Variants in SPIDR observed in about 807,000 individuals in gnomAD.
SPIDR encodes the protein scaffold protein involved in DNA repair, also known as DNA repair-scaffolding protein.
SPIDR carries 93 observed loss-of-function variants against 104.6 expected under a neutral mutation model. The ratio of observed to expected loss-of-function variants is 0.89; its 90% confidence interval spans 0.75 to 1.06. SPIDR has a LOEUF of 1.06. Among genes scored for constraint, SPIDR ranks in the 50% least tolerant of loss-of-function variants. The pLI is 0.00. For synonymous variants in SPIDR, 431 were observed against 416.9 expected (o/e 1.03, Z -0.41); for missense variants, 1,154 against 1,111.2 (o/e 1.04, Z -0.55).
intron 8 of SPIDR, among the ~76,000 whole-genome samples, chr8:47,498,863 A>C (rs949885533): frequency 1.3e-5 from 2 of 152,194 alleles, no homozygotes; most frequent in Non-Finnish European, 2.9e-5. Flanking sequence ...TAGCTGGTTC[A>C]TTTTGATCCC....
intron 8 of SPIDR, among the ~76,000 whole-genome samples, chr8:47,575,914 C>A (rs1406557737): frequency 1.3e-5 from 2 of 149,930 alleles, no homozygotes; most frequent in South Asian, 4.2e-4. Context: ...GAGCCGAGAT[C>A]GCGCCACTGC....
At chr8:47,675,194 G>T (rs555936980) in intron 11 of SPIDR, among the ~76,000 whole-genome samples, 1 of 152,084 alleles carries the variant, frequency 6.6e-6, no homozygotes, top group African/African-American at 2.4e-5. Flanking sequence ...GCGCCACTAC[G>T]CCCAGCTAAT....
In SPIDR at chr8:47,599,193, C is replaced by G. The variant is rs781216387; in HGVS notation, c.1541C>G (p.Thr514Ser). 2 of 1,613,288 alleles carry G rather than the reference C, an allele frequency of 1.2e-6. No homozygotes were observed. The highest frequency in any genetic ancestry group is 1.7e-6 in the Non-Finnish European group (2 of 1,179,710). ...ASSGHTDPAG[T>S]RACLLVQDAC... is the part of the protein sequence containing the mutation. ...TCAGGACACACAGACCCAGCTGGAA[C>G]TCGGTGAGTGCCAAGATGCTGGTGT... Residue 514 changes from threonine (T) to serine (S), a missense_variant, in exon 10 of 20, where the codon ACT becomes AGT. Transcript: ENST00000297423.
At chr8:47,704,516 G>A (rs1030913034) in intron 14 of SPIDR, among the ~76,000 whole-genome samples, 35 of 152,092 alleles carry the variant, frequency 2.3e-4, no homozygotes, top group Admixed American at 1.3e-4. Context: ...TGCCCTGGGG[G>A]TGGGGCAGGG....
At chr8:47,699,673 A>G (rs1029170561) in intron 11 of SPIDR, among the ~76,000 whole-genome samples, 2 of 151,268 alleles carry the variant, frequency 1.3e-5, no homozygotes, top group African/African-American at 4.9e-5. Flanking sequence ...TCCTGCCTCA[A>G]CCTCCCGAGT....
At chr8:47,367,336 A>G (rs1187898422) in intron 5 of SPIDR, among the ~76,000 whole-genome samples, 1 of 152,186 alleles carries the variant, frequency 6.6e-6, no homozygotes, top group African/African-American at 2.4e-5. Context: ...TGAGCTTGGA[A>G]TTGGATTTTT....
chr8:47,640,271 AG>A (rs1460321245), intron 10 of SPIDR, among the ~76,000 whole-genome samples: 1 of 152,208 alleles, frequency 6.6e-6, no homozygotes, highest in African/African-American at 2.4e-5. Flanking sequence ...TCTGATTGAC[AG>A]GTCCCAAGTC....
chr8:47,378,484 T>C (rs577745669), intron 5 of SPIDR, among the ~76,000 whole-genome samples: 1 of 152,256 alleles, frequency 6.6e-6, no homozygotes, highest in Non-Finnish European at 1.5e-5. Flanking sequence ...AAGTTAAATG[T>C]TATCTACATA....
chr8:47,406,378 A>T (rs2062758099), intron 6 of SPIDR, among the ~76,000 whole-genome samples: 1 of 152,168 alleles, frequency 6.6e-6, no homozygotes, highest in South Asian at 2.1e-4. Context: ...AAAGTGGAAT[A>T]ATAATAGTAC....
chr8:47,408,103 T>C (rs2062998751), intron 7 of SPIDR, 142 bp downstream of exon 7: 3 of 454,372 alleles, frequency 6.6e-6, no homozygotes, highest in Middle Eastern at 6.1e-4. Context: ...TTTTAACATA[T>C]AAAAACTATA....
chr8:47,515,912 C>T (rs536049896), intron 8 of SPIDR, among the ~76,000 whole-genome samples: 3 of 152,312 alleles, frequency 2.0e-5, no homozygotes, highest in African/African-American at 4.8e-5. Context: ...CGGGTTCAAG[C>T]GATTCTCCTG....
chr8:47,531,239 A>C (rs1008332247), intron 8 of SPIDR, among the ~76,000 whole-genome samples: 2 of 152,198 alleles, frequency 1.3e-5, no homozygotes, highest in Non-Finnish European at 2.9e-5. Flanking sequence ...GAGATACACA[A>C]ACATTAGCCT....
At chr8:47,590,860 C>G (rs2154419076) in intron 8 of SPIDR, among the ~76,000 whole-genome samples, 1 of 152,224 alleles carries the variant, frequency 6.6e-6, no homozygotes, top group South Asian at 2.1e-4. Flanking sequence ...ATTGCTATGT[C>G]TTCATGGTGG....
At chr8:47,327,092 G>T (rs1300283243) in intron 5 of SPIDR, among the ~76,000 whole-genome samples, 1 of 151,920 alleles carries the variant, frequency 6.6e-6, no homozygotes, top group Non-Finnish European at 1.5e-5. Context: ...CACATCCCTT[G>T]CCAGCACTTA....
At chr8:47,444,912 T>G (rs564953034) in intron 8 of SPIDR, among the ~76,000 whole-genome samples, 1 of 152,344 alleles carries the variant, frequency 6.6e-6, no homozygotes, top group East Asian at 1.9e-4. Context: ...AACAGCTATG[T>G]AGTAGATATT....
chr8:47,621,459 A>T (rs561023312), intron 10 of SPIDR, among the ~76,000 whole-genome samples: 1 of 152,194 alleles, frequency 6.6e-6, no homozygotes, highest in Non-Finnish European at 1.5e-5. Flanking sequence ...GGGTTATGTG[A>T]TCTCTTCATC....
intron 10 of SPIDR, among the ~76,000 whole-genome samples, chr8:47,602,538 T>C (rs1008500881): frequency 2.0e-5 from 3 of 152,208 alleles, no homozygotes; most frequent in Admixed American, 2.0e-4. Context: ...CAGATTTGTT[T>C]GCCACAATAG....
chr8:47,729,085 C>T (rs1367086658), intron 18 of SPIDR, 38 bp downstream of exon 18: 2 of 1,609,018 alleles, frequency 1.2e-6, no homozygotes, highest in African/African-American at 1.3e-5. Context: ...ACTCCTAGCT[C>T]ACTCCAACAT....
In SPIDR at chr8:47,732,463, G is replaced by GTATC. The variant is rs2085418236; in HGVS notation, c.2605-2843_2605-2840dup. The GTATC allele has an allele frequency of 8.5e-6, 4 of 471,680 alleles. No homozygotes were observed. The Admixed American group carries it at 1.5e-4, about 18-fold the overall frequency. The allele number at this position is 471,680 out of a possible 1,614,324, so 29.2% of individuals were successfully genotyped here. On this transcript the variant is annotated intron_variant, in intron 19 of 19. Transcript: ENST00000297423. ...GGGCCAGAGGGTGGCAGCAGCCTTA[G>GTATC]TATCACCTTTTTGGGTGCTCTGGTT...
Sources: allele counts gnomAD v4.1 joint callset (sites outside exome capture counted in the v4.1 genomes callset), GRCh38; gene constraint gnomAD v4.1.1; transcripts MANE v1.5; gene names NCBI Gene and HGNC (gene_info 2026-07-23, HGNC 2026-07-21).